Variants in CDIN1 observed in about 807,000 individuals in gnomAD.
CDIN1 encodes CDAN1 interacting nuclease 1.
CDIN1 carries 33 observed loss-of-function variants against 45.3 expected under a neutral mutation model. The observed-to-expected ratio is 0.73, with a 90% confidence interval of 0.55 to 0.97. The LOEUF is 0.97. CDIN1 is among the 50% of genes least tolerant of loss of function. The pLI is 0.00. For missense variants in CDIN1, 303 were observed against 339.4 expected, an observed-to-expected ratio of 0.89 and a Z score of 0.84; for synonymous variants, 118 against 124.4, an observed-to-expected ratio of 0.95 and a Z score of 0.34.
At chr15:36,648,427 A>ATTTTTTTTTTTT (rs4008147) in intron 3 of CDIN1, among the ~76,000 whole-genome samples, 15 of 91,066 alleles carry the variant, frequency 1.6e-4, no homozygotes, top group Admixed American at 5.0e-4. Flanking sequence ...CCAATATTCT[A>ATTTTTTTTTTTT]TTTTTTTTTT....
chr15:36,736,324 C>G (rs1376735141), intron 10 of CDIN1, among the ~76,000 whole-genome samples: 1 of 152,098 alleles, frequency 6.6e-6, no homozygotes, highest in Non-Finnish European at 1.5e-5. Flanking sequence ...TGAAAATCTC[C>G]CTTGATTTAC....
At chr15:36,634,255 C>T (rs979290694) in intron 1 of CDIN1, among the ~76,000 whole-genome samples, 7 of 151,844 alleles carry the variant, frequency 4.6e-5, no homozygotes, top group African/African-American at 1.5e-4. Flanking sequence ...ATGGTGAAAC[C>T]CCGTCTCCAC....
intron 10 of CDIN1, among the ~76,000 whole-genome samples, chr15:36,796,004 C>T (rs1394908288): frequency 6.6e-6 from 1 of 152,142 alleles, no homozygotes; most frequent in African/African-American, 2.4e-5. Context: ...CCCCTCAGTT[C>T]TGCGTTACAA....
At chr15:36,712,352 A>G (rs8036789) in intron 10 of CDIN1, among the ~76,000 whole-genome samples, 115,977 of 146,842 alleles carry the variant, frequency 0.79, 45,987 homozygotes, top group East Asian at 0.94. Flanking sequence ...TGAAACCTCC[A>G]CCTCCCGGGT....
chr15:36,729,039 G>T (rs1397364264), intron 10 of CDIN1, among the ~76,000 whole-genome samples: 1 of 152,150 alleles, frequency 6.6e-6, no homozygotes, highest in African/African-American at 2.4e-5. Flanking sequence ...CAACACAATG[G>T]CCAGAAACAA....
chr15:36,725,464 TGAG>T (rs2043590014), intron 10 of CDIN1, among the ~76,000 whole-genome samples: 1 of 152,104 alleles, frequency 6.6e-6, no homozygotes, highest in Non-Finnish European at 1.5e-5. Flanking sequence ...ACTAAACAAA[TGAG>T]GAGGTCTGTG....
chr15:36,691,429 CAT>C (rs901714939), intron 5 of CDIN1, among the ~76,000 whole-genome samples: 7 of 151,280 alleles, frequency 4.6e-5, no homozygotes, highest in African/African-American at 1.7e-4. Flanking sequence ...ACAAAAGAGA[CAT>C]ATGCTTTAGG....
intron 10 of CDIN1, among the ~76,000 whole-genome samples, chr15:36,721,068 A>AAT (rs1353361624): frequency 6.6e-6 from 1 of 151,024 alleles, no homozygotes; most frequent in Non-Finnish European, 1.5e-5. Flanking sequence ...TGGCTGCATA[A>AAT]ATGTCTTCTT....
intron 3 of CDIN1, among the ~76,000 whole-genome samples, chr15:36,646,010 A>G (rs568699189): frequency 6.6e-6 from 1 of 152,130 alleles, no homozygotes; most frequent in Non-Finnish European, 1.5e-5. Context: ...TTGTAATATG[A>G]CTGAATAATT....
intron 10 of CDIN1, among the ~76,000 whole-genome samples, chr15:36,743,136 A>T (rs1262911847): frequency 6.6e-6 from 1 of 152,216 alleles, no homozygotes; most frequent in Non-Finnish European, 1.5e-5. Context: ...ATATTGGAGA[A>T]GTAAGACGAG....
At chr15:36,682,111 C>A (rs1197559118) in intron 5 of CDIN1, among the ~76,000 whole-genome samples, 1 of 151,494 alleles carries the variant, frequency 6.6e-6, no homozygotes. Flanking sequence ...TTGATTTATA[C>A]AATTATAGAG....
chr15:36,807,604 A>G (rs952699807), intron 10 of CDIN1, among the ~76,000 whole-genome samples: 9 of 152,184 alleles, frequency 5.9e-5, no homozygotes, highest in Admixed American at 2.6e-4. Flanking sequence ...AAAATTGCAG[A>G]TAATTCAGAG....
intron 10 of CDIN1, among the ~76,000 whole-genome samples, chr15:36,782,028 C>T (rs1177422959): frequency 6.6e-6 from 1 of 152,170 alleles, no homozygotes; most frequent in Non-Finnish European, 1.5e-5. Context: ...TCAACAGGGA[C>T]TCCACTCCCA....
chr15:36,714,932 A>G (rs1456593422), intron 10 of CDIN1, among the ~76,000 whole-genome samples: 4 of 152,156 alleles, frequency 2.6e-5, no homozygotes, highest in African/African-American at 9.7e-5. Flanking sequence ...TCAGATGGGG[A>G]TGTTTCCTTG....
chr15:36,764,095 T>C (rs773580075), intron 10 of CDIN1, among the ~76,000 whole-genome samples: 2 of 152,168 alleles, frequency 1.3e-5, no homozygotes, highest in Non-Finnish European at 2.9e-5. Context: ...CAGAGTGAAG[T>C]ATCTATGCTG....
At chr15:36,802,687 G>A (rs970101421) in intron 10 of CDIN1, among the ~76,000 whole-genome samples, 3 of 151,998 alleles carry the variant, frequency 2.0e-5, no homozygotes, top group African/African-American at 7.3e-5. Context: ...TAAAAAAAAA[G>A]AGTAAGCAAG....
chr15:36,619,504 TATC>T, intron 1 of CDIN1, among the ~76,000 whole-genome samples: 1 of 151,892 alleles, frequency 6.6e-6, no homozygotes, highest in South Asian at 2.1e-4. Flanking sequence ...TCTATCTATC[TATC>T]TATCTATCTA....
At chr15:36,794,963 A>G (rs2054753271) in intron 10 of CDIN1, among the ~76,000 whole-genome samples, 1 of 152,254 alleles carries the variant, frequency 6.6e-6, no homozygotes, top group African/African-American at 2.4e-5. Flanking sequence ...AAAAAAGAAT[A>G]AAGCCATGTC....
intron 5 of CDIN1, among the ~76,000 whole-genome samples, chr15:36,677,902 T>C (rs1331006174): frequency 6.6e-6 from 1 of 152,204 alleles, no homozygotes; most frequent in Non-Finnish European, 1.5e-5. Flanking sequence ...GAATGTGTGC[T>C]TGTTGGATAA....
Sources: allele counts gnomAD v4.1 joint callset (sites outside exome capture counted in the v4.1 genomes callset), GRCh38; gene constraint gnomAD v4.1.1; transcripts MANE v1.5; gene names NCBI Gene and HGNC (gene_info 2026-07-23, HGNC 2026-07-21).